Variants in KLHDC4 observed in about 807,000 individuals in gnomAD.
KLHDC4 encodes the protein kelch domain containing 4.
KLHDC4 carries 90 observed loss-of-function variants against 62.4 expected under a neutral mutation model. The observed-to-expected ratio is 1.44, with a 90% CI of 1.22 to 1.72. The LOEUF (loss-of-function observed/expected upper bound fraction) is 1.72, where lower values mean the gene tolerates loss of function less well. Ranked by LOEUF, KLHDC4 falls within the 40% of genes most tolerant of loss-of-function variation. KLHDC4 has a pLI of 0.00. For missense variants in KLHDC4, 1,025 were observed against 699.7 expected (o/e 1.47, Z -5.25); for synonymous variants, 386 against 284.4 (o/e 1.36, Z -3.59).
At chr16:87,722,938 GCATGGACGGGGC>G (rs2038684665) in intron 7 of KLHDC4, among the ~76,000 whole-genome samples, 4 of 152,248 alleles carry the variant, frequency 2.6e-5, no homozygotes, top group African/African-American at 9.6e-5. Context: ...CCTCCTGGGA[GCATGGACGGGGC>G]CTGCGTGGGA....
intron 4 of KLHDC4, 43 bp downstream of exon 4, chr16:87,755,151 C>G (rs182641931): frequency 1.5e-6 from 2 of 1,365,290 alleles, no homozygotes; most frequent in East Asian, 2.3e-5. Context: ...CAGACTCCCA[C>G]GTGGGAAGAG....
In KLHDC4 at chr16:87,709,353, G is replaced by A. The variant is rs148054768; in HGVS notation, c.1359C>T (p.Ala453=). The A allele has an allele frequency of 1.4e-3, 2,278 of 1,613,416 alleles. 5 individuals are homozygous for A. The highest frequency in any genetic ancestry group is 1.9e-3 in the Non-Finnish European group (2,219 of 1,179,942). The change falls in exon 10 of 12, where the codon GCC becomes GCT. Residue 453 remains alanine (A), a synonymous_variant. Coordinates refer to ENST00000270583, the MANE Select transcript of KLHDC4 (RefSeq NM_017566.4). ...VLYVYGGMFE[A]GDRQVTLSDL... ...CGCTGAGGGTGACCTGGCGGTCGCC[G>A]GCCTCAAACATGCCCCCATAGACGT... is the stretch of plus-strand genomic sequence containing the variant.
At chr16:87,732,707 C>T (rs537502298) in intron 5 of KLHDC4, among the ~76,000 whole-genome samples, 29 of 152,184 alleles carry the variant, frequency 1.9e-4, no homozygotes, top group Non-Finnish European at 3.8e-4. Context: ...TGTCACGGGA[C>T]AATGCTCGAA....
At chr16:87,727,230 G>A (rs571782664) in intron 6 of KLHDC4, among the ~76,000 whole-genome samples, 50 of 152,280 alleles carry the variant, frequency 3.3e-4, no homozygotes, top group Non-Finnish European at 5.6e-4. Flanking sequence ...CCACAAGCAC[G>A]TATGAGTTTG....
At chr16:87,743,484 A>T (rs993665863) in intron 5 of KLHDC4, among the ~76,000 whole-genome samples, 2 of 152,162 alleles carry the variant, frequency 1.3e-5, no homozygotes, top group Non-Finnish European at 2.9e-5. Flanking sequence ...TCATGCCTGT[A>T]ATCTCAGCAC....
At position 87,761,953 on chromosome 16, in the gene KLHDC4, G is replaced by C. The variant is rs779312313; in HGVS notation, c.187C>G (p.Pro63Ala). 1 of 1,613,464 alleles carries C rather than the reference G, an allele frequency of 6.2e-7. No homozygotes were observed. Among genetic ancestry groups the C allele is most frequent in the South Asian group, 1.1e-5 (1 of 90,944 alleles). Residue 63 changes from proline (P) to alanine (A), a missense_variant, in exon 2 of 12, where the codon CCA (proline) becomes GCA (alanine). By Grantham distance (27) the Pro-to-Ala change is conservative. Transcript: ENST00000270583. ...TVELPCPPPSPRLNASLSVHP... is the reference protein window; with the variant it reads ...TVELPCPPPSARLNASLSVHP... Reference sequence around the variant, plus strand: ...TGAAAAATGCTACTTGCTCACCTTGGTGAGGGTGGGGGGCACGGAAGTTCC... The same window carrying C: ...TGAAAAATGCTACTTGCTCACCTTGCTGAGGGTGGGGGGCACGGAAGTTCC...
intron 11 of KLHDC4, 73 bp downstream of exon 11, chr16:87,708,277 G>T: frequency 2.0e-6 from 2 of 1,017,104 alleles, no homozygotes; most frequent in Non-Finnish European, 2.9e-6. Context: ...ATTCCAATAA[G>T]CATCCGATAA....
chr16:87,759,710 A>G (rs2045571534), intron 2 of KLHDC4, among the ~76,000 whole-genome samples: 1 of 152,252 alleles, frequency 6.6e-6, no homozygotes, highest in Non-Finnish European at 1.5e-5. Context: ...ATTGCACTCC[A>G]GCCTGGGCAA....
At chr16:87,709,015 G>C (rs895279710) in intron 10 of KLHDC4, among the ~76,000 whole-genome samples, 1 of 152,234 alleles carries the variant, frequency 6.6e-6, no homozygotes, top group African/African-American at 2.4e-5. Context: ...AGATGCACCC[G>C]TGTCCTGTGC....
At position 87,730,923 on chromosome 16, in the gene KLHDC4, C is replaced by T. The variant is rs538354783; in HGVS notation, c.507-279G>A. On this transcript the variant is annotated intron_variant, in intron 5 of 11. Transcript: ENST00000270583. ...CCTAGGTAGAACATTATAAACTGGACTCCGCCAACATAAAAAACTTCAAAA... is the reference window on the plus strand; with the variant it reads ...CCTAGGTAGAACATTATAAACTGGATTCCGCCAACATAAAAAACTTCAAAA... The T allele has an allele frequency of 7.2e-5, 20 of 279,484 alleles. No individual in the cohort carries two copies. In the East Asian group the frequency reaches 1.1e-3, roughly 15 times the overall value. The allele number at this position is 279,484 out of a possible 1,614,324, so 17.3% of individuals were successfully genotyped here.
At chr16:87,706,762 G>A (rs544333778), downstream of KLHDC4, among the ~76,000 whole-genome samples, 21 of 152,276 alleles carry the variant, frequency 1.4e-4, no homozygotes, top group South Asian at 6.2e-4. Flanking sequence ...AGAGCTGGCC[G>A]AGTGCCCCTG....
rs892516221 is a variant in KLHDC4, at chr16:87,701,799, C to T, written c.716G>A (p.Gly239Glu). 1.5e-5 allele frequency: 7 copies of T among 456,760 alleles called. No individual in the cohort carries two copies. In the East Asian group the frequency reaches 4.9e-4, roughly 32 times the overall value. 28.3% of individuals were successfully genotyped at this position (456,760 alleles called of 1,614,324 possible). A position where few individuals can be genotyped will look rare whatever the true frequency, so the allele number is the denominator to read the frequency against. ...TCCGCCATCCTTCTCCCGTCTGTGC[C>T]CCATGGGACAGAGGCCTCCAGCTGC... Residue 239 changes from glycine (G) to glutamate (E), a missense_variant, in exon 1 of 1, where the codon GGG becomes GAG. Gly to Glu is a moderately conservative substitution (Grantham distance 98). Transcript: ENST00000446344.
intron 1 of KLHDC4, chr16:87,764,977 A>T (rs1198631294): frequency 2.7e-6 from 1 of 370,282 alleles, no homozygotes; most frequent in Middle Eastern, 9.5e-4. Flanking sequence ...CTGATTCAGG[A>T]CATCTGGTCA....
chr16:87,730,833 C>G (rs2040221574), intron 5 of KLHDC4, 189 bp from the exon 6 acceptor site: 1 of 526,464 alleles, frequency 1.9e-6, no homozygotes, highest in South Asian at 2.2e-5. Context: ...GCCCAGCTAG[C>G]TAAGCTCAAA....
intron 2 of KLHDC4, 129 bp downstream of exon 2, chr16:87,761,820 A>G (rs1597425196): frequency 6.6e-6 from 6 of 914,576 alleles, no homozygotes; most frequent in African/African-American, 5.0e-5. Context: ...GAAAGTGACC[A>G]AGAACAGGTT....
At chr16:87,760,329 C>T (rs1055955493) in intron 2 of KLHDC4, among the ~76,000 whole-genome samples, 3 of 151,372 alleles carry the variant, frequency 2.0e-5, no homozygotes, top group Non-Finnish European at 4.4e-5. Flanking sequence ...TCTACAGGGC[C>T]GGGCACGGTG....
rs1219307835 is a variant in KLHDC4 at position 87,709,545 on chromosome 16, C to T, written c.1167G>A (p.Val389=). Residue 389 remains valine (V), a synonymous_variant, in exon 10 of 12, where the codon GTG becomes GTA. Coordinates refer to ENST00000270583, the MANE Select transcript of KLHDC4 (RefSeq NM_017566.4). The stretch of plus-strand genomic sequence containing the variant: ...TGGTGACCACGGTGCCATCCTCGGC[C>T]ACCACCTCCTTGACCAGCTGCACAG... ...QGPVQLVKEV[V]AEDGTVVTIK... 1 of 1,612,568 alleles carries T rather than the reference C, an allele frequency of 6.2e-7. No homozygotes were observed. The highest frequency in any genetic ancestry group is 2.2e-5 in the East Asian group (1 of 44,888).
chr16:87,728,090 G>A (rs572498029), intron 6 of KLHDC4, among the ~76,000 whole-genome samples: 2 of 152,288 alleles, frequency 1.3e-5, no homozygotes, highest in South Asian at 2.1e-4. Flanking sequence ...AGGAGGCTGA[G>A]GCACGAGAAT....
chr16:87,739,705 C>G lies in KLHDC4; in HGVS notation c.506+8968G>C, dbSNP rs138618086. 2.0e-5 allele frequency: 3 copies of G among 152,734 alleles called. No homozygotes were observed. The East Asian group carries it at 5.8e-4, about 29-fold the overall frequency. 9.5% of individuals were successfully genotyped at this position (152,734 alleles called of 1,614,324 possible). The stretch of plus-strand genomic sequence containing the variant: ...GGGAGTGAAGTGCTGATACTCGCAA[C>G]AGCAGGACACGTCCTGACAGCACCA... On this transcript the variant is annotated intron_variant, in intron 5 of 11. Coordinates refer to ENST00000270583, the MANE Select transcript of KLHDC4 (RefSeq NM_017566.4).
Sources: allele counts gnomAD v4.1 joint callset (sites outside exome capture counted in the v4.1 genomes callset), GRCh38; gene constraint gnomAD v4.1.1; transcripts MANE v1.5; gene names NCBI Gene and HGNC (gene_info 2026-07-23, HGNC 2026-07-21).